The following RIT2 variants were observed in gnomAD, a reference collection of about 807,000 sequenced individuals.
RIT2 encodes the protein Ras like without CAAX 2.
In RIT2, 24 loss-of-function variants were observed where a neutral mutation model predicts 23.7. The ratio of observed to expected loss-of-function variants is 1.01; its 90% CI spans 0.73 to 1.43. The LOEUF (loss-of-function observed/expected upper bound fraction) is 1.43. Among genes scored for constraint, RIT2 ranks in the 40% most tolerant of loss-of-function variants. The pLI is 0.00. For missense variants in RIT2, 236 were observed against 266.9 expected (o/e 0.88, Z 0.81); for synonymous variants, 107 against 91.1 (o/e 1.17, Z -0.99).
chr18:43,046,171 TCAATAATCAATGTGACAATTA>T (rs2144300882), intron 1 of RIT2, among the ~76,000 whole-genome samples: 1 of 152,266 alleles, frequency 6.6e-6, no homozygotes, highest in African/African-American at 2.4e-5. Flanking sequence ...TGTATTTTAG[TCAATAATCAATGTGACAATTA>T]CAAAACTACA....
At chr18:43,089,392 G>A (rs986960117) in intron 1 of RIT2, among the ~76,000 whole-genome samples, 8 of 151,862 alleles carry the variant, frequency 5.3e-5, no homozygotes, top group Non-Finnish European at 1.2e-4. Flanking sequence ...TCTCTACAAT[G>A]AGAACTACAA....
At chr18:43,040,227 C>G (rs139700917) in intron 1 of RIT2, among the ~76,000 whole-genome samples, 1 of 152,136 alleles carries the variant, frequency 6.6e-6, no homozygotes, top group Non-Finnish European at 1.5e-5. Context: ...CATCCTGAAT[C>G]AGAAAATTAA....
At chr18:43,081,406 A>G (rs1247227449) in intron 1 of RIT2, among the ~76,000 whole-genome samples, 1 of 152,178 alleles carries the variant, frequency 6.6e-6, no homozygotes, top group Non-Finnish European at 1.5e-5. Context: ...TCTATCAATC[A>G]ATCCATCTCA....
intron 4 of RIT2, among the ~76,000 whole-genome samples, chr18:42,868,487 A>G (rs1404336674): frequency 1.3e-5 from 2 of 152,264 alleles, no homozygotes; most frequent in African/African-American, 4.8e-5. Context: ...TGGTTAGTAC[A>G]TGATGGATGT....
intron 4 of RIT2, among the ~76,000 whole-genome samples, chr18:42,816,922 A>T (rs890356275): frequency 1.3e-5 from 2 of 152,162 alleles, no homozygotes; most frequent in Non-Finnish European, 2.9e-5. Context: ...GTGCATAAAA[A>T]ATAACTGGGG....
Position 42,751,032 on chromosome 18 carries a change from C to T in RIT2, c.427-7312G>A, listed in dbSNP as rs138678771. 2.3e-4 allele frequency among the ~76,000 whole-genome samples: 35 copies of T among 151,852 alleles called. No homozygotes were observed. The East Asian group carries it at 5.8e-3, about 25-fold the overall frequency. On this transcript the variant is annotated intron_variant, in intron 4 of 4. Transcript: ENST00000326695. ...TCAGGCAGTGGGACATTAGTTAAGG[C>T]TTAGACAAATAATCTTACTACAATG...
At chr18:43,099,039 T>A (rs139059913) in intron 1 of RIT2, among the ~76,000 whole-genome samples, 41 of 152,172 alleles carry the variant, frequency 2.7e-4, no homozygotes, top group African/African-American at 9.1e-4. Context: ...TTTCTGATTT[T>A]CTATTTTGGT....
At chr18:43,033,555 T>A (rs1043594876) in intron 2 of RIT2, among the ~76,000 whole-genome samples, 1 of 152,070 alleles carries the variant, frequency 6.6e-6, no homozygotes, top group Admixed American at 6.6e-5. Context: ...GATACTGAAA[T>A]CACTTAATGG....
At chr18:42,796,473 A>C (rs1271729628) in intron 4 of RIT2, among the ~76,000 whole-genome samples, 1 of 7,426 alleles carries the variant, frequency 1.3e-4, no homozygotes, top group Admixed American at 3.1e-3. Flanking sequence ...AATTCCGGAC[A>C]CAGCTGGGTG....
intron 2 of RIT2, among the ~76,000 whole-genome samples, chr18:43,032,766 A>G (rs1911887033): frequency 6.6e-6 from 1 of 152,132 alleles, no homozygotes; most frequent in African/African-American, 2.4e-5. Flanking sequence ...ATTTAAAAAT[A>G]AGTATGTTTT....
chr18:42,786,685 A>C (rs1913929094), intron 4 of RIT2, among the ~76,000 whole-genome samples: 2 of 151,804 alleles, frequency 1.3e-5, no homozygotes, highest in Admixed American at 1.3e-4. Context: ...TTTCATGTGA[A>C]CTCTTTGCTC....
chr18:42,747,307 A>G (rs998460925), intron 4 of RIT2, among the ~76,000 whole-genome samples: 5 of 151,966 alleles, frequency 3.3e-5, no homozygotes, highest in African/African-American at 2.4e-5. Flanking sequence ...TAGCTGCTAA[A>G]TAAATAAATA....
chr18:42,944,985 G>A (rs1909693591), intron 3 of RIT2, among the ~76,000 whole-genome samples: 1 of 152,026 alleles, frequency 6.6e-6, no homozygotes, highest in Admixed American at 6.6e-5. Flanking sequence ...AATGATTAAA[G>A]GAGTTCTGAG....
At chr18:42,747,829 A>G (rs1388993045) in intron 4 of RIT2, among the ~76,000 whole-genome samples, 1 of 152,088 alleles carries the variant, frequency 6.6e-6, no homozygotes, top group Non-Finnish European at 1.5e-5. Flanking sequence ...ATAATTGGCA[A>G]GCCACACGTA....
At chr18:42,981,237 T>C (rs142945451) in intron 2 of RIT2, among the ~76,000 whole-genome samples, 5 of 152,218 alleles carry the variant, frequency 3.3e-5, no homozygotes, top group East Asian at 3.9e-4. Context: ...CCTTGAAAAA[T>C]GGCTTTATGA....
In RIT2 at chr18:43,059,434, G is replaced by A. The variant is rs76513391; in HGVS notation, c.104-25567C>T. Among the ~76,000 whole-genome samples the A allele has an allele frequency of 4.5e-3, 688 of 152,218 alleles. 9 individuals carry two copies. Among genetic ancestry groups the A allele is most frequent in the African/African-American group, 0.016 (646 of 41,548 alleles). On this transcript the variant is annotated intron_variant, in intron 1 of 4. Coordinates refer to ENST00000326695, the MANE Select transcript of RIT2 (RefSeq NM_002930.4). ...GGATTTTACACTGGTCCAAGCTTGAGCGATATCAGGAGTTAATAGCAGTTA... is the reference window on the plus strand; with the variant it reads ...GGATTTTACACTGGTCCAAGCTTGAACGATATCAGGAGTTAATAGCAGTTA...
intron 4 of RIT2, among the ~76,000 whole-genome samples, chr18:42,838,155 T>A (rs1449475065): frequency 1.3e-5 from 2 of 152,310 alleles, no homozygotes; most frequent in African/African-American, 4.8e-5. Context: ...TGCTTTTTCA[T>A]TTCTCCAAGC....
At chr18:42,954,573 T>A (rs1598728764) in intron 3 of RIT2, among the ~76,000 whole-genome samples, 1 of 152,004 alleles carries the variant, frequency 6.6e-6, no homozygotes, top group African/African-American at 2.4e-5. Flanking sequence ...CCTCACAAGC[T>A]CCATATAATG....
At chr18:42,979,857 A>G (rs1230042546) in intron 2 of RIT2, among the ~76,000 whole-genome samples, 2 of 152,184 alleles carry the variant, frequency 1.3e-5, no homozygotes, top group South Asian at 2.1e-4. Flanking sequence ...TACATAAAAA[A>G]GCAATTGCAC....
Sources: gnomAD v4.1 joint callset for allele counts (sites outside exome capture counted in the v4.1 genomes callset) on GRCh38, gnomAD v4.1.1 for gene constraint, MANE v1.5 for transcripts, NCBI Gene and HGNC (gene_info 2026-07-23, HGNC 2026-07-21) for gene names.